GPC6: variants seen among roughly 807,000 people sequenced by gnomAD.
GPC6 encodes the protein glypican-6.
A neutral mutation model predicts 55.2 loss-of-function variants in GPC6; 14 were observed. The ratio of observed to expected loss-of-function variants is 0.25; its 90% CI spans 0.17 to 0.40. The LOEUF (loss-of-function observed/expected upper bound fraction) is 0.40, where lower values mean the gene tolerates loss of function less well. GPC6 is among the 10% of genes least tolerant of loss of function. The pLI, the probability that GPC6 is intolerant of heterozygous loss-of-function variation, is 1.00. For missense variants in GPC6, 641 were observed against 708.5 expected, an observed-to-expected ratio of 0.90 and a Z score of 1.08; for synonymous variants, 278 against 259.6, an observed-to-expected ratio of 1.07 and a Z score of -0.68.
chr13:93,992,016 A>G (rs1036585437), intron 3 of GPC6, among the ~76,000 whole-genome samples: 8 of 151,848 alleles, frequency 5.3e-5, no homozygotes, highest in South Asian at 2.1e-4. Context: ...CATCATATTT[A>G]TATAGTTTAT....
chr13:93,958,357 T>C (rs1320779446), intron 3 of GPC6, among the ~76,000 whole-genome samples: 1 of 152,242 alleles, frequency 6.6e-6, no homozygotes, highest in African/African-American at 2.4e-5. Context: ...AAATCTTTGA[T>C]CTATCTCGAG....
intron 4 of GPC6, among the ~76,000 whole-genome samples, chr13:94,034,454 C>T (rs1883264808): frequency 6.6e-6 from 1 of 152,040 alleles, no homozygotes; most frequent in South Asian, 2.1e-4. Flanking sequence ...ATTTCTTAAC[C>T]TCTGAACACT....
intron 2 of GPC6, among the ~76,000 whole-genome samples, chr13:93,759,457 A>G (rs1884887111): frequency 6.6e-6 from 1 of 152,186 alleles, no homozygotes; most frequent in Non-Finnish European, 1.5e-5. Context: ...TGACAAGAAT[A>G]CCTAAAGTTT....
intron 2 of GPC6, among the ~76,000 whole-genome samples, chr13:93,783,164 G>A (rs1440901309): frequency 6.6e-6 from 1 of 152,048 alleles, no homozygotes; most frequent in East Asian, 1.9e-4. Context: ...TCCTTTTTAT[G>A]GCTGCATAGT....
chr13:94,113,885 G>A (rs1215808757), intron 4 of GPC6, among the ~76,000 whole-genome samples: 2 of 151,478 alleles, frequency 1.3e-5, no homozygotes, highest in Non-Finnish European at 2.9e-5. Flanking sequence ...AGCCAGATGT[G>A]GTGGCACATG....
intron 4 of GPC6, among the ~76,000 whole-genome samples, chr13:94,248,267 G>A (rs7999603): frequency 0.016 from 2,394 of 152,134 alleles, 59 homozygotes; most frequent in African/African-American, 0.048. Context: ...TGATTTCTCT[G>A]TCCTCACCTC....
chr13:93,416,900 A>G (rs547309230), intron 1 of GPC6, among the ~76,000 whole-genome samples: 82 of 152,250 alleles, frequency 5.4e-4, no homozygotes, highest in African/African-American at 1.9e-3. Flanking sequence ...CTAGCATCCA[A>G]GTCTTCTGAC....
At chr13:94,250,095 A>G (rs1340096818) in intron 4 of GPC6, among the ~76,000 whole-genome samples, 3 of 152,204 alleles carry the variant, frequency 2.0e-5, no homozygotes, top group Non-Finnish European at 4.4e-5. Context: ...GCCAAGCACT[A>G]TATTAAGCAC....
At chr13:94,271,686 A>G (rs1017502614) in intron 4 of GPC6, among the ~76,000 whole-genome samples, 3 of 152,156 alleles carry the variant, frequency 2.0e-5, no homozygotes, top group African/African-American at 7.2e-5. Context: ...CCCATTGAAA[A>G]TACTACATGA....
chr13:94,026,821 G>A (rs1345068792), intron 3 of GPC6, among the ~76,000 whole-genome samples: 4 of 151,958 alleles, frequency 2.6e-5, no homozygotes, highest in African/African-American at 4.8e-5. Flanking sequence ...CAAGCAAAAG[G>A]GGAAAAAGCC....
At chr13:93,397,922 T>C (rs1875922813) in intron 1 of GPC6, among the ~76,000 whole-genome samples, 1 of 152,184 alleles carries the variant, frequency 6.6e-6, no homozygotes, top group South Asian at 2.1e-4. Context: ...TTCCTAACAC[T>C]GTAAGATGCT....
intron 1 of GPC6, among the ~76,000 whole-genome samples, chr13:93,396,882 CTT>C (rs1875879575): frequency 6.6e-6 from 1 of 152,028 alleles, no homozygotes. Context: ...TATGCACATG[CTT>C]TTAAAAATTT....
intron 4 of GPC6, among the ~76,000 whole-genome samples, chr13:94,038,993 A>C (rs1460643797): frequency 1.3e-5 from 2 of 151,928 alleles, no homozygotes; most frequent in African/African-American, 4.8e-5. Flanking sequence ...AGTTCCTGAG[A>C]TGCAAGACCC....
At chr13:94,365,304 G>A (rs575782107) in intron 6 of GPC6, among the ~76,000 whole-genome samples, 1 of 152,210 alleles carries the variant, frequency 6.6e-6, no homozygotes, top group Admixed American at 6.5e-5. Flanking sequence ...CTTGGGTGCT[G>A]TGGTTTACAT....
chr13:94,266,344 A>G (rs1303067104), intron 4 of GPC6, among the ~76,000 whole-genome samples: 1 of 151,678 alleles, frequency 6.6e-6, no homozygotes, highest in South Asian at 2.1e-4. Context: ...AATTTTTTGT[A>G]TTTTTAGTAG....
chr13:93,285,726 ATAGT>A (rs1158895982), intron 1 of GPC6, among the ~76,000 whole-genome samples: 3 of 151,908 alleles, frequency 2.0e-5, no homozygotes, highest in Admixed American at 6.6e-5. Context: ...CCCAGGTTAA[ATAGT>A]TAGCAAAACT....
At chr13:93,507,354 T>A (rs376539524) in intron 1 of GPC6, among the ~76,000 whole-genome samples, 3 of 152,208 alleles carry the variant, frequency 2.0e-5, no homozygotes, top group Admixed American at 1.3e-4. Flanking sequence ...TTACTCTTCC[T>A]GTTCCACAGC....
chr13:93,587,751 C>T (rs764342889), intron 2 of GPC6, among the ~76,000 whole-genome samples: 2 of 152,156 alleles, frequency 1.3e-5, no homozygotes, highest in African/African-American at 2.4e-5. Flanking sequence ...CTTTCTAGGG[C>T]TCTTTAACCT....
Position 93,901,914 on chromosome 13 carries a change from A to G in GPC6, c.711+71369A>G, listed in dbSNP as rs530484822. Among the ~76,000 whole-genome samples, 40 of 151,712 alleles carry G rather than the reference A, an allele frequency of 2.6e-4. 1 individual carries two copies. The highest frequency in any genetic ancestry group is 8.9e-4 in the African/African-American group (37 of 41,376). ...AGATTCCATTAAAAAAAAAAAAAAAAAAAACTTTTAAAGTGTTTTCATTGA... is the reference window on the plus strand; with the variant it reads ...AGATTCCATTAAAAAAAAAAAAAAAGAAAACTTTTAAAGTGTTTTCATTGA... On this transcript the variant is annotated intron_variant, in intron 3 of 8. Coordinates refer to ENST00000377047, the MANE Select transcript of GPC6 (RefSeq NM_005708.5).
Sources: gnomAD v4.1 joint callset for allele counts (sites outside exome capture counted in the v4.1 genomes callset) on GRCh38, gnomAD v4.1.1 for gene constraint, MANE v1.5 for transcripts, NCBI Gene and HGNC (gene_info 2026-07-23, HGNC 2026-07-21) for gene names.